The following USP24 variants were observed in gnomAD, a reference collection of about 807,000 sequenced individuals.
The protein encoded by USP24 is ubiquitin specific peptidase 24, also known as ubiquitin carboxyl-terminal hydrolase 24.
In USP24, 97 loss-of-function variants were observed where a neutral mutation model predicts 361.6. The ratio of observed to expected loss-of-function variants is 0.27; its 90% CI spans 0.23 to 0.32. USP24 has a LOEUF of 0.32. USP24 is among the 10% of genes least tolerant of loss of function. The probability of loss-of-function intolerance (pLI) is 1.00; values close to 1 mark genes in which losing one functional copy is unlikely to be tolerated. For missense variants in USP24, 2,353 were observed against 3,165.6 expected (o/e 0.74, Z 6.16); for synonymous variants, 1,098 against 1,124.6 (o/e 0.98, Z 0.47).
chr1:55,138,928 A>T lies in USP24; in HGVS notation c.2817+16T>A. ...AGCCTAAGCAACATACATCTTAAAA[A>T]AAGGAAGTGGCTTACCTCTATAGTG... On this transcript the variant is annotated intron_variant, in intron 25 of 67. Coordinates refer to ENST00000294383, the MANE Select transcript of USP24 (RefSeq NM_015306.3). 1 of 1,609,284 alleles carries T rather than the reference A, an allele frequency of 6.2e-7. No homozygotes were observed. The highest frequency in any genetic ancestry group is 1.1e-5 in the South Asian group (1 of 89,716).
intron 67 of USP24, chr1:55,071,116 A>G: frequency 1.0e-6 from 1 of 983,376 alleles, no homozygotes; most frequent in Non-Finnish European, 1.2e-6. Context: ...TCCGAAAGAT[A>G]ACACTTAAAA....
At chr1:55,155,004 C>T (rs966040097) in intron 12 of USP24, among the ~76,000 whole-genome samples, 16 of 151,084 alleles carry the variant, frequency 1.1e-4, no homozygotes, top group Non-Finnish European at 8.8e-5. Context: ...ATTCTTTAAA[C>T]CGACAATGAA....
chr1:55,215,217 TG>T lies in USP24; in HGVS notation c.-105del, dbSNP rs1644960518. ...CTCCGCGCCGCCTCCGCGCCCAGGT[TG>T]GCCCCTGCGTTCCTGCCCCGGGTGC... On this transcript the variant is annotated 5_prime_UTR_variant, in exon 1 of 68. Transcript: ENST00000294383. 1 of 1,000,930 alleles carries T rather than the reference TG, an allele frequency of 1.0e-6. No homozygotes were observed. The highest frequency in any genetic ancestry group is 1.3e-6 in the Non-Finnish European group (1 of 790,280). The allele number at this position is 1,000,930 out of a possible 1,614,324, so 62.0% of individuals were successfully genotyped here. A position where few individuals can be genotyped will look rare whatever the true frequency, so the allele number is the denominator to read the frequency against.
Position 55,195,488 on chromosome 1 carries a change from C to T in USP24, c.325-17356G>A, listed in dbSNP as rs1644391093. 2.0e-5 allele frequency among the ~76,000 whole-genome samples: 3 copies of T among 152,310 alleles called. No homozygotes were observed. The South Asian group carries it at 6.2e-4, about 32-fold the overall frequency. On this transcript the variant is annotated intron_variant, in intron 1 of 67. Coordinates refer to ENST00000294383, the MANE Select transcript of USP24 (RefSeq NM_015306.3). The stretch of plus-strand genomic sequence containing the variant: ...TACATCTATGAATAAGACAGACATA[C>T]TCTGCCACTGAATCTTGGAAATCTC...
chr1:55,186,674 A>G (rs1644141181), intron 1 of USP24, among the ~76,000 whole-genome samples: 1 of 152,234 alleles, frequency 6.6e-6, no homozygotes, highest in South Asian at 2.1e-4. Flanking sequence ...AGAAAAACAA[A>G]TATTATATGA....
intron 1 of USP24, among the ~76,000 whole-genome samples, chr1:55,206,335 T>C (rs1644702936): frequency 6.6e-6 from 1 of 152,154 alleles, no homozygotes; most frequent in Non-Finnish European, 1.5e-5. Flanking sequence ...GAGAGTGTAG[T>C]GGTGTAAGAC....
rs1557520700 is a variant in USP24, at chr1:55,071,930, G to A, written c.7690-6C>T. On this transcript the variant is annotated splice_region_variant and splice_polypyrimidine_tract_variant and intron_variant, in intron 66 of 67. Transcript: ENST00000294383. Reference sequence around the variant, plus strand: ...GTGGCATACGCTAACGTGTCCTGCAGAAGATTCAAACACAAGACGACAAAG... The same window carrying A: ...GTGGCATACGCTAACGTGTCCTGCAAAAGATTCAAACACAAGACGACAAAG... 6.2e-7 allele frequency: 1 copy of A among 1,602,324 alleles called. No individual in the cohort carries two copies. Among genetic ancestry groups the A allele is most frequent in the Non-Finnish European group, 8.5e-7 (1 of 1,173,884 alleles).
rs573367429 is a variant in USP24, at chr1:55,160,627, A to G, written c.994-942T>C. Among the ~76,000 whole-genome samples, 11 of 152,374 alleles carry G rather than the reference A, an allele frequency of 7.2e-5. No individual in the cohort carries two copies. The East Asian group carries it at 1.3e-3, about 19-fold the overall frequency. ...TGAATTTAATTTTGGATGGTTTGAC[A>G]TAATTAAAATAAAGATGAAGTCAGA... On this transcript the variant is annotated intron_variant, in intron 8 of 67. Coordinates refer to ENST00000294383, the MANE Select transcript of USP24 (RefSeq NM_015306.3).
At chr1:55,157,219 ATG>A (rs778169141) in intron 11 of USP24, 35 bp downstream of exon 11, 30 of 1,445,140 alleles carry the variant, frequency 2.1e-5, no homozygotes, top group Non-Finnish European at 2.7e-5. Flanking sequence ...TATTTAAATT[ATG>A]TGTTAGGTAA....
chr1:55,083,379 T>C lies in USP24; in HGVS notation c.6883-15A>G. 6.2e-7 allele frequency: 1 copy of C among 1,612,468 alleles called. No individual in the cohort carries two copies. Among genetic ancestry groups the C allele is most frequent in the Non-Finnish European group, 8.5e-7 (1 of 1,179,136 alleles). ...CTAATTCCTTGCTGTCACAAGATATTGAGAATAACAAATTATATTTCTATC... is the reference window on the plus strand; with the variant it reads ...CTAATTCCTTGCTGTCACAAGATATCGAGAATAACAAATTATATTTCTATC... On this transcript the variant is annotated splice_polypyrimidine_tract_variant and intron_variant, in intron 57 of 67. Transcript: ENST00000294383.
chr1:55,127,440 G>A (rs1646465886), intron 32 of USP24, among the ~76,000 whole-genome samples: 1 of 152,150 alleles, frequency 6.6e-6, no homozygotes, highest in Non-Finnish European at 1.5e-5. Context: ...GTGTATATGT[G>A]CCACATTTTC....
chr1:55,138,899 G>A (rs1369160932), intron 25 of USP24, 45 bp downstream of exon 25: 1 of 1,583,414 alleles, frequency 6.3e-7, no homozygotes, highest in Non-Finnish European at 8.6e-7. Context: ...GATCGCTTGA[G>A]TCCAGCCTAA....
At chr1:55,154,854 A>G (rs1647467090) in intron 12 of USP24, 76 bp from the exon 13 acceptor site, 13 of 1,052,372 alleles carry the variant, frequency 1.2e-5, no homozygotes, top group Middle Eastern at 2.0e-4. Context: ...GGCAACTTAC[A>G]GAAGCACAAG....
chr1:55,113,346 C>T (rs1646010161), intron 38 of USP24, among the ~76,000 whole-genome samples: 1 of 152,074 alleles, frequency 6.6e-6, no homozygotes, highest in African/African-American at 2.4e-5. Flanking sequence ...AAGTCGAATC[C>T]CTGAATAGAC....
intron 16 of USP24, among the ~76,000 whole-genome samples, chr1:55,150,752 T>C (rs1647170947): frequency 6.6e-6 from 1 of 152,228 alleles, no homozygotes; most frequent in South Asian, 2.1e-4. Context: ...ATAGCCTTCT[T>C]AAAGTTTAGC....
intron 38 of USP24, among the ~76,000 whole-genome samples, chr1:55,118,722 C>A (rs1464291068): frequency 1.3e-5 from 2 of 152,058 alleles, no homozygotes; most frequent in Admixed American, 6.6e-5. Context: ...ACAAATAATC[C>A]AATTTAAAAA....
intron 25 of USP24, 94 bp downstream of exon 25, chr1:55,138,850 G>A: frequency 7.2e-7 from 1 of 1,383,808 alleles, no homozygotes; most frequent in South Asian, 1.2e-5. Flanking sequence ...GTGGTGGTGT[G>A]TGCTAAACTC....
chr1:55,070,330 T>C (rs17111567), intron 67 of USP24, among the ~76,000 whole-genome samples: 4,444 of 152,112 alleles, frequency 0.029, 155 homozygotes, highest in African/African-American at 0.082. Flanking sequence ...GGATACAGGT[T>C]AGAGACTCCA....
intron 3 of USP24, among the ~76,000 whole-genome samples, chr1:55,176,071 A>G (rs183270060): frequency 2.0e-5 from 3 of 152,318 alleles, no homozygotes; most frequent in Non-Finnish European, 4.4e-5. Context: ...ATTAAGTCTT[A>G]ATCTATTAAG....
Sources: gnomAD v4.1 joint callset for allele counts (sites outside exome capture counted in the v4.1 genomes callset) on GRCh38, gnomAD v4.1.1 for gene constraint, MANE v1.5 for transcripts, NCBI Gene and HGNC (gene_info 2026-07-23, HGNC 2026-07-21) for gene names.